FSTL5: variants seen among roughly 807,000 people sequenced by gnomAD.
FSTL5 encodes follistatin-related protein 5.
FSTL5 carries 62 observed loss-of-function variants against 89.1 expected under a neutral mutation model. The observed-to-expected ratio is 0.70, with a 90% CI of 0.57 to 0.86. The LOEUF (loss-of-function observed/expected upper bound fraction) is 0.86. FSTL5 is among the 40% of genes least tolerant of loss of function. The pLI, the probability that FSTL5 is intolerant of heterozygous loss-of-function variation, is 0.00. For synonymous variants in FSTL5, 383 were observed against 346.2 expected, an observed-to-expected ratio of 1.11 and a Z score of -1.18; for missense variants, 1,057 against 1,001.6, an observed-to-expected ratio of 1.06 and a Z score of -0.75.
intron 3 of FSTL5, among the ~76,000 whole-genome samples, chr4:162,032,011 T>C (rs961629448): frequency 2.7e-4 from 41 of 152,214 alleles, no homozygotes; most frequent in African/African-American, 9.9e-4. Flanking sequence ...TAGCTAATAA[T>C]AGTGAAAGGA....
intron 2 of FSTL5, among the ~76,000 whole-genome samples, chr4:162,076,082 T>C (rs17041903): frequency 0.092 from 13,982 of 151,854 alleles, 765 homozygotes; most frequent in Non-Finnish European, 0.12. Context: ...TGGGAGAAAA[T>C]AGAAACGATT....
At chr4:161,919,405 T>C (rs1191519469) in intron 4 of FSTL5, among the ~76,000 whole-genome samples, 1 of 152,124 alleles carries the variant, frequency 6.6e-6, no homozygotes, top group Admixed American at 6.6e-5. Flanking sequence ...CATTTTTAAA[T>C]CACGATGGAA....
At chr4:161,698,431 T>C (rs1054575824) in intron 6 of FSTL5, among the ~76,000 whole-genome samples, 3 of 152,142 alleles carry the variant, frequency 2.0e-5, no homozygotes, top group Non-Finnish European at 4.4e-5. Flanking sequence ...GAGGAATAAG[T>C]TCAAGAGAGC....
rs536576331 is a variant in FSTL5 at position 161,500,427 on chromosome 4, G to C, written c.1340-293C>G. On this transcript the variant is annotated intron_variant, in intron 11 of 15. Transcript: ENST00000306100. ...TAGGGATATAAACTCTTGATACATA[G>C]ATTATCTTGGATACCTTCCCCACTT... is the stretch of plus-strand genomic sequence containing the variant. Among the ~76,000 whole-genome samples, 14 of 152,214 alleles carry C rather than the reference G, an allele frequency of 9.2e-5. No individual in the cohort carries two copies. In the East Asian group the frequency reaches 2.7e-3, roughly 29 times the overall value.
At chr4:162,079,688 A>C (rs1180443570) in intron 2 of FSTL5, among the ~76,000 whole-genome samples, 4 of 151,490 alleles carry the variant, frequency 2.6e-5, no homozygotes, top group Non-Finnish European at 5.9e-5. Flanking sequence ...AAGTGAAAAA[A>C]GTCTTATAAT....
At chr4:161,584,321 G>T (rs1429361590) in intron 8 of FSTL5, among the ~76,000 whole-genome samples, 1 of 152,156 alleles carries the variant, frequency 6.6e-6, no homozygotes, top group South Asian at 2.1e-4. Flanking sequence ...CAAACAGTCT[G>T]TCTTTCTCTC....
chr4:161,393,959 G>A (rs935911039), intron 15 of FSTL5, among the ~76,000 whole-genome samples: 1 of 152,148 alleles, frequency 6.6e-6, no homozygotes, highest in African/African-American at 2.4e-5. Flanking sequence ...GCAAGGTGCA[G>A]AGCAGTGGCA....
chr4:162,063,030 A>C (rs1361879244), intron 2 of FSTL5, among the ~76,000 whole-genome samples: 1 of 151,810 alleles, frequency 6.6e-6, no homozygotes, highest in Non-Finnish European at 1.5e-5. Context: ...TTGTCCGTCA[A>C]GATATTTTCT....
intron 3 of FSTL5, among the ~76,000 whole-genome samples, chr4:161,943,312 A>G (rs555823677): frequency 6.6e-6 from 1 of 151,958 alleles, no homozygotes; most frequent in South Asian, 2.1e-4. Flanking sequence ...TTCAATGCTA[A>G]GAAGTTTGCT....
chr4:161,852,368 G>C (rs966041334), intron 4 of FSTL5, among the ~76,000 whole-genome samples: 1 of 152,038 alleles, frequency 6.6e-6, no homozygotes, highest in African/African-American at 2.4e-5. Context: ...GAATAAACAA[G>C]GTGAAATTAA....
At chr4:162,076,773 TC>T (rs1327155191) in intron 2 of FSTL5, among the ~76,000 whole-genome samples, 1 of 151,922 alleles carries the variant, frequency 6.6e-6, no homozygotes, top group South Asian at 2.1e-4. Flanking sequence ...CCAAACAGGT[TC>T]TATAACGGCC....
chr4:161,506,837 T>G (rs1168183527), intron 11 of FSTL5, among the ~76,000 whole-genome samples: 1 of 152,212 alleles, frequency 6.6e-6, no homozygotes, highest in African/African-American at 2.4e-5. Flanking sequence ...ACTACATTTC[T>G]ATTTGTAATT....
intron 4 of FSTL5, among the ~76,000 whole-genome samples, chr4:161,794,094 C>A (rs1217588942): frequency 6.6e-6 from 1 of 152,094 alleles, no homozygotes; most frequent in African/African-American, 2.4e-5. Flanking sequence ...GAAAATAGGT[C>A]TCTCAGAAGC....
At chr4:161,765,587 T>C (rs1740965737) in intron 5 of FSTL5, among the ~76,000 whole-genome samples, 2 of 152,332 alleles carry the variant, frequency 1.3e-5, no homozygotes, top group South Asian at 4.1e-4. Flanking sequence ...CAGTCCCATC[T>C]TGTAAGCTTG....
chr4:161,419,706 T>C (rs1731916859), intron 15 of FSTL5, among the ~76,000 whole-genome samples: 1 of 152,174 alleles, frequency 6.6e-6, no homozygotes, highest in African/African-American at 2.4e-5. Flanking sequence ...TGGCCCTGTC[T>C]CTCCAAACTC....
chr4:161,752,223 GGACAGATAGATA>G (rs879592258), intron 6 of FSTL5, among the ~76,000 whole-genome samples: 4,270 of 133,698 alleles, frequency 0.032, 70 homozygotes, highest in South Asian at 0.08. Flanking sequence ...GATGATAGAT[GGACAGATAGATA>G]GATAGATAGA....
intron 15 of FSTL5, among the ~76,000 whole-genome samples, chr4:161,424,619 C>T (rs1732109775): frequency 6.6e-6 from 1 of 151,770 alleles, no homozygotes; most frequent in African/African-American, 2.4e-5. Flanking sequence ...TTGCTTCTCT[C>T]TTATTTTTCT....
At chr4:161,970,887 T>C (rs1251137891) in intron 3 of FSTL5, among the ~76,000 whole-genome samples, 2 of 152,088 alleles carry the variant, frequency 1.3e-5, no homozygotes, top group African/African-American at 4.8e-5. Context: ...ATTTGAACAA[T>C]GAATTTTAAG....
chr4:161,779,799 A>ATAAATATG (rs1741580062), intron 4 of FSTL5, among the ~76,000 whole-genome samples: 1 of 40,036 alleles, frequency 2.5e-5, no homozygotes, highest in Non-Finnish European at 4.0e-5. Flanking sequence ...ATATATATAT[A>ATAAATATG]TATATATATA....
Sources: allele counts gnomAD v4.1 joint callset (sites outside exome capture counted in the v4.1 genomes callset), GRCh38; gene constraint gnomAD v4.1.1; transcripts MANE v1.5; gene names NCBI Gene and HGNC (gene_info 2026-07-23, HGNC 2026-07-21).